PSME4: variants seen among roughly 807,000 people sequenced by gnomAD.
The protein encoded by PSME4 is proteasome activator complex subunit 4.
A neutral mutation model predicts 253.9 loss-of-function variants in PSME4; 89 were observed. The ratio of observed to expected loss-of-function variants is 0.35; its 90% CI spans 0.30 to 0.42. The LOEUF (loss-of-function observed/expected upper bound fraction) is 0.42. Ranked by LOEUF, PSME4 falls within the 10% of genes least tolerant of loss-of-function variation. The pLI is 1.00. For synonymous variants in PSME4, 851 were observed against 759.2 expected (o/e 1.12, Z -1.99); for missense variants, 2,014 against 2,195.2 (o/e 0.92, Z 1.65).
chr2:53,936,921 C>A, intron 5 of PSME4, 94 bp from the exon 6 acceptor site: 1 of 801,456 alleles, frequency 1.2e-6, no homozygotes, highest in Non-Finnish European at 2.0e-6. Flanking sequence ...ATTATTCTTA[C>A]TGATAACTAC....
rs770489797 is a variant in PSME4, at chr2:53,937,464, G to C, written c.622C>G (p.Gln208Glu). Residue 208 changes from glutamine (Q) to glutamate (E), a missense_variant, in exon 5 of 47, where the codon CAA (glutamine) becomes GAA (glutamate). Transcript: ENST00000404125. The stretch of plus-strand genomic sequence containing the variant: ...ATTTCAAAATAAGTGATGGCCTTTT[G>C]CATGGTTACATCAAAAGGGCACATT... ...PLMCPFDVTM[Q>E]KAITYFEIFL... is the part of the protein sequence containing the mutation. 50 of 1,610,686 alleles carry C rather than the reference G, an allele frequency of 3.1e-5. No individual in the cohort carries two copies. Among genetic ancestry groups the C allele is most frequent in the Non-Finnish European group, 4.2e-5 (50 of 1,177,698 alleles).
chr2:53,960,523 T>C lies in PSME4; in HGVS notation c.242+10020A>G, dbSNP rs150996702. The stretch of plus-strand genomic sequence containing the variant: ...TGTAAGTTTCTATTCTAGTTTGCTT[T>C]GCAACTAACATAATCAACTCTGGAT... On this transcript the variant is annotated intron_variant, in intron 1 of 46. Coordinates refer to ENST00000404125, the MANE Select transcript of PSME4 (RefSeq NM_014614.3). 4.2e-3 allele frequency among the ~76,000 whole-genome samples: 646 copies of C among 152,328 alleles called. 7 individuals carry two copies. The highest frequency in any genetic ancestry group is 0.015 in the African/African-American group (619 of 41,578).
rs1671052532 is a variant in PSME4 at position 53,970,886 on chromosome 2, G to A, written c.-102C>T. 17 of 1,074,912 alleles carry A rather than the reference G, an allele frequency of 1.6e-5. No individual in the cohort carries two copies. In the East Asian group the frequency reaches 4.8e-4, roughly 30 times the overall value. 66.6% of individuals were successfully genotyped at this position (1,074,912 alleles called of 1,614,324 possible). A position where few individuals can be genotyped will look rare whatever the true frequency, so the allele number is the denominator to read the frequency against. On this transcript the variant is annotated 5_prime_UTR_variant, in exon 1 of 47. Coordinates refer to ENST00000404125, the MANE Select transcript of PSME4 (RefSeq NM_014614.3). The stretch of plus-strand genomic sequence containing the variant: ...TCCGCGTCTTCGTCGCCCTGCGGCC[G>A]CTGGCGGCCCGTCGCCCTCGGACCG...
intron 28 of PSME4, among the ~76,000 whole-genome samples, chr2:53,900,229 C>G (rs747108929): frequency 6.6e-6 from 1 of 152,066 alleles, no homozygotes; most frequent in Non-Finnish European, 1.5e-5. Context: ...TGGGAAGCGA[C>G]TGCTATTAGG....
At chr2:53,931,661 C>T (rs1184226140) in intron 10 of PSME4, among the ~76,000 whole-genome samples, 174 bp downstream of exon 10, 1 of 152,088 alleles carries the variant, frequency 6.6e-6, no homozygotes, top group Non-Finnish European at 1.5e-5. Flanking sequence ...TTTTTCTCTC[C>T]AATAAACCTT....
At chr2:53,866,369 G>A (rs1354435452) in intron 45 of PSME4, 146 bp from the exon 46 acceptor site, 226 of 845,440 alleles carry the variant, frequency 2.7e-4, no homozygotes, top group Non-Finnish European at 8.3e-5. Flanking sequence ...CAATGAGAAG[G>A]ACAAAGTGAA....
At chr2:53,919,670 T>C (rs1198469807) in intron 19 of PSME4, among the ~76,000 whole-genome samples, 1 of 152,218 alleles carries the variant, frequency 6.6e-6, no homozygotes, top group Non-Finnish European at 1.5e-5. Context: ...TCACACTTCT[T>C]TCTCCAAGTG....
At chr2:53,966,563 CA>C (rs35339533) in intron 1 of PSME4, among the ~76,000 whole-genome samples, 1,562 of 136,456 alleles carry the variant, frequency 0.011, 25 homozygotes, top group African/African-American at 0.032. Flanking sequence ...ACTCTGTCTC[CA>C]AAAAAAAAAA....
intron 5 of PSME4, 75 bp downstream of exon 5, chr2:53,937,316 T>C (rs1669170186): frequency 7.6e-7 from 1 of 1,316,134 alleles, no homozygotes. Context: ...TTTCTAGTTG[T>C]TATTGTTTTA....
At chr2:53,900,412 A>C (rs1271032706) in intron 28 of PSME4, among the ~76,000 whole-genome samples, 2 of 151,914 alleles carry the variant, frequency 1.3e-5, no homozygotes, top group African/African-American at 4.8e-5. Flanking sequence ...AAAAAAAAAA[A>C]CAACTTAAAT....
At chr2:53,937,574 T>C (rs1669181642) in intron 4 of PSME4, 34 bp from the exon 5 acceptor site, 3 of 1,593,452 alleles carry the variant, frequency 1.9e-6, no homozygotes, top group African/African-American at 2.7e-5. Flanking sequence ...TGTATCTGAT[T>C]ATTGGCTAAA....
At chr2:53,950,445 G>T (rs1276621613) in intron 1 of PSME4, among the ~76,000 whole-genome samples, 2 of 152,142 alleles carry the variant, frequency 1.3e-5, no homozygotes, top group East Asian at 3.9e-4. Context: ...ATACAATTAG[G>T]TTATACCAAA....
chr2:53,935,488 G>A (rs181023710), intron 7 of PSME4, among the ~76,000 whole-genome samples: 25 of 152,224 alleles, frequency 1.6e-4, no homozygotes, highest in African/African-American at 6.0e-4. Context: ...TCTACCACAG[G>A]TGAAATAGTA....
rs1668614781 is a variant in PSME4, at chr2:53,927,551, A to C, written c.1504-68T>G. 2.8e-6 allele frequency: 3 copies of C among 1,090,184 alleles called. No homozygotes were observed. In the Admixed American group the frequency reaches 5.4e-5, roughly 20 times the overall value. The allele number at this position is 1,090,184 out of a possible 1,614,324, so 67.5% of individuals were successfully genotyped here. A position where few individuals can be genotyped will look rare whatever the true frequency, so the allele number is the denominator to read the frequency against. On this transcript the variant is annotated intron_variant, in intron 11 of 46. Coordinates refer to ENST00000404125, the MANE Select transcript of PSME4 (RefSeq NM_014614.3). ...ATTCAGAAATACAAGTATACCATGA[A>C]CTACAATAAATTACCCCAATAAATT...
At chr2:53,929,832 A>C (rs896666122) in intron 10 of PSME4, among the ~76,000 whole-genome samples, 3 of 151,972 alleles carry the variant, frequency 2.0e-5, no homozygotes, top group African/African-American at 7.2e-5. Context: ...AGCCTGACCA[A>C]CATGGTGAAA....
Position 53,908,145 on chromosome 2 carries a change from T to C in PSME4, c.2784+175A>G, listed in dbSNP as rs1250386725. The C allele has an allele frequency of 5.4e-6, 3 of 553,138 alleles. No individual in the cohort carries two copies. The African/African-American group carries it at 5.8e-5, about 11-fold the overall frequency. 34.3% of individuals were successfully genotyped at this position (553,138 alleles called of 1,614,324 possible). On this transcript the variant is annotated intron_variant, in intron 24 of 46. Transcript: ENST00000404125. ...AAGATTCTGTATAAGAAAAATATAT[T>C]TTTTGCTAGGATCCATTTGATTTCT...
At chr2:53,879,407 G>A (rs535699168) in intron 41 of PSME4, among the ~76,000 whole-genome samples, 153 of 152,100 alleles carry the variant, frequency 1.0e-3, no homozygotes, top group South Asian at 2.7e-3. Flanking sequence ...AAAAGCAAAA[G>A]CAAAATGAAA....
chr2:53,893,174 ATCTC>A (rs746377129), intron 35 of PSME4, among the ~76,000 whole-genome samples: 4 of 152,196 alleles, frequency 2.6e-5, no homozygotes, highest in Non-Finnish European at 4.4e-5. Context: ...AACATTAATA[ATCTC>A]TCTAAGTATC....
At chr2:53,898,405 C>T (rs758756336) in intron 29 of PSME4, 51 bp from the exon 30 acceptor site, 33 of 1,328,876 alleles carry the variant, frequency 2.5e-5, no homozygotes, top group Non-Finnish European at 3.3e-5. Context: ...AAATGAACAT[C>T]AAAAATATAA....
Sources: allele counts gnomAD v4.1 joint callset (sites outside exome capture counted in the v4.1 genomes callset), GRCh38; gene constraint gnomAD v4.1.1; transcripts MANE v1.5; gene names NCBI Gene and HGNC (gene_info 2026-07-23, HGNC 2026-07-21).